DENND5A: variants seen among roughly 807,000 people sequenced by gnomAD.
DENND5A encodes the protein DENN domain-containing protein 5A.
DENND5A carries 64 observed loss-of-function variants against 140.3 expected under a neutral mutation model. The ratio of observed to expected loss-of-function variants is 0.46; its 90% CI spans 0.37 to 0.56. The LOEUF (loss-of-function observed/expected upper bound fraction) is 0.56, where lower values mean the gene tolerates loss of function less well. DENND5A is among the 20% of genes least tolerant of loss of function. DENND5A has a pLI of 0.00. For missense variants in DENND5A, 1,292 were observed against 1,593.8 expected (o/e 0.81, Z 3.22); for synonymous variants, 605 against 607.7 (o/e 1.00, Z 0.07).
At chr11:9,190,931 G>A (rs887074730) in intron 5 of DENND5A, among the ~76,000 whole-genome samples, 4 of 152,050 alleles carry the variant, frequency 2.6e-5, no homozygotes, top group African/African-American at 7.2e-5. Flanking sequence ...AGATACCCCA[G>A]AGCTTATCTG....
chr11:9,212,172 G>A lies in DENND5A; in HGVS notation c.110-4540C>T, dbSNP rs1277382056. ...GGCCAAGGTTGAGAGGACTGCTTGAGGCCAGGAGTTCAAGACCAGCCTAGG... is the reference window on the plus strand; with the variant it reads ...GGCCAAGGTTGAGAGGACTGCTTGAAGCCAGGAGTTCAAGACCAGCCTAGG... On this transcript the variant is annotated intron_variant, in intron 1 of 22. Transcript: ENST00000328194. Among the ~76,000 whole-genome samples the A allele has an allele frequency of 5.3e-5, 8 of 152,130 alleles. No homozygotes were observed. In the South Asian group the frequency reaches 1.7e-3, roughly 32 times the overall value.
intron 1 of DENND5A, among the ~76,000 whole-genome samples, chr11:9,209,735 G>A (rs1051966029): frequency 6.6e-6 from 1 of 152,176 alleles, no homozygotes; most frequent in African/African-American, 2.4e-5. Context: ...AAAGGTAAGA[G>A]AAGGGGATTC....
At chr11:9,263,108 A>C (rs1433800212) in intron 1 of DENND5A, among the ~76,000 whole-genome samples, 1 of 152,124 alleles carries the variant, frequency 6.6e-6, no homozygotes, top group Non-Finnish European at 1.5e-5. Context: ...CCTAATATTA[A>C]TTATATTACT....
chr11:9,259,902 A>G (rs1590351247), intron 1 of DENND5A, among the ~76,000 whole-genome samples: 1 of 150,052 alleles, frequency 6.7e-6, no homozygotes, highest in South Asian at 2.1e-4. Flanking sequence ...GCTAGTGCAC[A>G]CCTGTGGTCC....
chr11:9,249,708 T>C (rs1163055583), intron 1 of DENND5A, among the ~76,000 whole-genome samples: 6 of 151,964 alleles, frequency 3.9e-5, no homozygotes, highest in African/African-American at 4.8e-5. Context: ...CCACCATGCC[T>C]GGCTAATTTT....
At chr11:9,248,223 T>G (rs925846487) in intron 1 of DENND5A, among the ~76,000 whole-genome samples, 1 of 152,142 alleles carries the variant, frequency 6.6e-6, no homozygotes, top group African/African-American at 2.4e-5. Context: ...ATTCAAGTGA[T>G]CCACCTTCCT....
At chr11:9,232,097 A>C (rs2136253386) in intron 1 of DENND5A, among the ~76,000 whole-genome samples, 1 of 152,292 alleles carries the variant, frequency 6.6e-6, no homozygotes, top group East Asian at 1.9e-4. Context: ...TAAGAAAATT[A>C]ATTAGCCCTA....
intron 8 of DENND5A, among the ~76,000 whole-genome samples, chr11:9,177,445 A>C (rs1848581679): frequency 6.6e-6 from 1 of 151,774 alleles, no homozygotes; most frequent in African/African-American, 2.4e-5. Flanking sequence ...TGAACGCAAA[A>C]ATTGAAGACC....
intron 1 of DENND5A, among the ~76,000 whole-genome samples, chr11:9,246,682 T>C (rs1035773257): frequency 2.0e-5 from 3 of 151,804 alleles, no homozygotes; most frequent in Non-Finnish European, 2.9e-5. Context: ...GTTCTAAGGT[T>C]TGTTCCTGAA....
intron 11 of DENND5A, among the ~76,000 whole-genome samples, chr11:9,164,194 ATTTT>A (rs779522112): frequency 4.3e-4 from 34 of 79,012 alleles, no homozygotes; most frequent in East Asian, 7.2e-4. Flanking sequence ...ACCACGCCTA[ATTTT>A]TTTTTTTTTT....
intron 1 of DENND5A, among the ~76,000 whole-genome samples, chr11:9,246,444 C>G (rs977281008): frequency 4.6e-5 from 7 of 151,800 alleles, no homozygotes; most frequent in Non-Finnish European, 8.8e-5. Context: ...AATCCCATCT[C>G]TACTAAAAAT....
At chr11:9,184,007 T>C (rs6486199) in intron 5 of DENND5A, among the ~76,000 whole-genome samples, 69,989 of 150,258 alleles carry the variant, frequency 0.47, 17,540 homozygotes, top group African/African-American at 0.65. Flanking sequence ...GCCGAGATCA[T>C]GCCATTGCAC....
chr11:9,215,274 T>C (rs941558827), intron 1 of DENND5A, among the ~76,000 whole-genome samples: 1 of 152,246 alleles, frequency 6.6e-6, no homozygotes, highest in Non-Finnish European at 1.5e-5. Flanking sequence ...CTCATGTACC[T>C]AGTATTTCTA....
At chr11:9,220,586 GAAAAAAATATGAATGA>G (rs942692843) in intron 1 of DENND5A, among the ~76,000 whole-genome samples, 1 of 150,004 alleles carries the variant, frequency 6.7e-6, no homozygotes, top group African/African-American at 2.5e-5. Flanking sequence ...ATTCAACATG[GAAAAAAATATGAATGA>G]AAATACCGGC....
intron 1 of DENND5A, among the ~76,000 whole-genome samples, chr11:9,218,637 G>A (rs949024626): frequency 6.6e-6 from 1 of 152,172 alleles, no homozygotes; most frequent in Non-Finnish European, 1.5e-5. Context: ...TAGAGCCCGG[G>A]AGATGAAGGT....
intron 1 of DENND5A, among the ~76,000 whole-genome samples, chr11:9,244,378 T>C (rs538144169): frequency 2.6e-4 from 40 of 152,216 alleles, no homozygotes; most frequent in African/African-American, 9.4e-4. Flanking sequence ...TATTTTTATT[T>C]ATTTTTTTGA....
At chr11:9,145,402 A>T in intron 17 of DENND5A, 1 of 574,046 alleles carries the variant, frequency 1.7e-6, no homozygotes, top group Non-Finnish European at 3.1e-6. Context: ...AGCTGAAAGA[A>T]CTCCTGGGGA....
chr11:9,177,597 A>G (rs1848587293), intron 8 of DENND5A, among the ~76,000 whole-genome samples: 1 of 152,088 alleles, frequency 6.6e-6, no homozygotes, highest in African/African-American at 2.4e-5. Context: ...CAAAAGCTGC[A>G]GTGAGCTATG....
In DENND5A at chr11:9,215,852, T is replaced by C. The variant is rs1289318529; in HGVS notation, c.110-8220A>G. Among the ~76,000 whole-genome samples the C allele has an allele frequency of 3.3e-5, 5 of 152,242 alleles. No homozygotes were observed. In the East Asian group the frequency reaches 9.7e-4, roughly 29 times the overall value. On this transcript the variant is annotated intron_variant, in intron 1 of 22. Coordinates refer to ENST00000328194, the MANE Select transcript of DENND5A (RefSeq NM_015213.4). ...AGCGTGAGCCACCGCGCCTGGCCGT[T>C]CTTTTATATAATTAATAAGTTAGTT... is the stretch of plus-strand genomic sequence containing the variant.
Sources: allele counts gnomAD v4.1 joint callset (sites outside exome capture counted in the v4.1 genomes callset), GRCh38; gene constraint gnomAD v4.1.1; transcripts MANE v1.5; gene names NCBI Gene and HGNC (gene_info 2026-07-23, HGNC 2026-07-21).